Variants in GALNTL6 observed in about 807,000 individuals in gnomAD.
The protein encoded by GALNTL6 is polypeptide N-acetylgalactosaminyltransferase-like 6.
GALNTL6 carries 46 observed loss-of-function variants against 73.7 expected under a neutral mutation model. The observed-to-expected ratio is 0.62, with a 90% CI of 0.49 to 0.80. GALNTL6 has a LOEUF of 0.80. Ranked by LOEUF, GALNTL6 falls within the 30% of genes least tolerant of loss-of-function variation. The probability of loss-of-function intolerance (pLI) is 0.00; values close to 1 mark genes in which losing one functional copy is unlikely to be tolerated. For synonymous variants in GALNTL6, 259 were observed against 263.7 expected (o/e 0.98, Z 0.17); for missense variants, 604 against 755.0 (o/e 0.80, Z 2.34).
chr4:173,021,008 G>A (rs1752967943), intron 11 of GALNTL6, among the ~76,000 whole-genome samples: 2 of 152,174 alleles, frequency 1.3e-5, no homozygotes, highest in African/African-American at 2.4e-5. Flanking sequence ...GGGAGGTGGA[G>A]GATGCAGTGA....
intron 3 of GALNTL6, among the ~76,000 whole-genome samples, chr4:172,304,837 C>T (rs1448562981): frequency 1.3e-5 from 2 of 152,062 alleles, no homozygotes; most frequent in African/African-American, 2.4e-5. Context: ...TCCCTAGCCC[C>T]GTACTTAACA....
At chr4:172,939,174 T>C (rs1302575092) in intron 9 of GALNTL6, among the ~76,000 whole-genome samples, 2 of 152,194 alleles carry the variant, frequency 1.3e-5, no homozygotes, top group African/African-American at 4.8e-5. Flanking sequence ...CATGTGCCTA[T>C]AGTCCCAGCT....
intron 5 of GALNTL6, among the ~76,000 whole-genome samples, chr4:172,377,459 G>T (rs1389573668): frequency 6.6e-6 from 1 of 152,220 alleles, no homozygotes; most frequent in Non-Finnish European, 1.5e-5. Flanking sequence ...TGACTCAGGA[G>T]CCCAGCTGGC....
At chr4:172,574,272 T>G (rs1181067131) in intron 5 of GALNTL6, among the ~76,000 whole-genome samples, 1 of 152,136 alleles carries the variant, frequency 6.6e-6, no homozygotes, top group African/African-American at 2.4e-5. Flanking sequence ...TTTAAATGTA[T>G]TTTGTAAATG....
chr4:172,303,646 A>G (rs966634428), intron 3 of GALNTL6, among the ~76,000 whole-genome samples: 1 of 152,244 alleles, frequency 6.6e-6, no homozygotes, highest in Non-Finnish European at 1.5e-5. Context: ...GCAGATTAAC[A>G]TATGTATTAT....
chr4:172,152,694 T>C (rs1412357461), intron 2 of GALNTL6, among the ~76,000 whole-genome samples: 1 of 152,224 alleles, frequency 6.6e-6, no homozygotes, highest in Non-Finnish European at 1.5e-5. Flanking sequence ...CTGCAACCTC[T>C]GCCTCTTGGG....
intron 5 of GALNTL6, among the ~76,000 whole-genome samples, chr4:172,575,541 A>G (rs1736929860): frequency 6.6e-6 from 1 of 152,176 alleles, no homozygotes; most frequent in Admixed American, 6.5e-5. Context: ...TTAAAAACAG[A>G]TCTGATTTCA....
intron 5 of GALNTL6, among the ~76,000 whole-genome samples, chr4:172,370,798 T>A (rs1014664695): frequency 5.3e-5 from 8 of 152,152 alleles, no homozygotes; most frequent in African/African-American, 1.9e-4. Flanking sequence ...GGGGGAGGTC[T>A]AGACCTCAGC....
In GALNTL6 at chr4:171,923,608, G is replaced by A. The variant is rs1257280219; in HGVS notation, c.138+108890G>A. Among the ~76,000 whole-genome samples the A allele has an allele frequency of 2.7e-4, 39 of 145,896 alleles. No homozygotes were observed. In the Admixed American group the frequency reaches 2.7e-3, roughly 10 times the overall value. On this transcript the variant is annotated intron_variant, in intron 2 of 12. Coordinates refer to ENST00000506823, the MANE Select transcript of GALNTL6 (RefSeq NM_001034845.3). ...TTTTTAGTAGAGACAGGGTTTCACCGTGTTAGCCAGGATGGTCTCGATCTC... is the reference window on the plus strand; with the variant it reads ...TTTTTAGTAGAGACAGGGTTTCACCATGTTAGCCAGGATGGTCTCGATCTC...
intron 10 of GALNTL6, among the ~76,000 whole-genome samples, chr4:172,963,569 T>C (rs1035942479): frequency 6.6e-6 from 1 of 152,192 alleles, no homozygotes; most frequent in Admixed American, 6.5e-5. Flanking sequence ...ATTTGTTGAA[T>C]GAATGAAAGA....
intron 5 of GALNTL6, among the ~76,000 whole-genome samples, chr4:172,760,689 T>A (rs914756113): frequency 5.9e-5 from 9 of 152,176 alleles, no homozygotes; most frequent in African/African-American, 2.2e-4. Context: ...CCTGCTGACC[T>A]GTGCCCTTCA....
At chr4:172,376,042 T>G (rs554485271) in intron 5 of GALNTL6, among the ~76,000 whole-genome samples, 1 of 152,306 alleles carries the variant, frequency 6.6e-6, no homozygotes, top group East Asian at 1.9e-4. Context: ...ATAGCTTTTG[T>G]TAGGCCTGCT....
chr4:172,910,344 G>A (rs1018323758), intron 8 of GALNTL6, among the ~76,000 whole-genome samples: 1 of 152,200 alleles, frequency 6.6e-6, no homozygotes, highest in Admixed American at 6.5e-5. Context: ...AAATCAGCCA[G>A]TATTACAAGG....
chr4:171,901,223 G>T lies in GALNTL6; in HGVS notation c.138+86505G>T, dbSNP rs941162479. On this transcript the variant is annotated intron_variant, in intron 2 of 12. Transcript: ENST00000506823. ...TCCAGACTATATTTAAGAAGATTGG[G>T]AAGGCAAGATACAGAATAAAATCTT... 3.3e-5 allele frequency among the ~76,000 whole-genome samples: 5 copies of T among 152,204 alleles called. No homozygotes were observed. The East Asian group carries it at 9.6e-4, about 29-fold the overall frequency.
intron 5 of GALNTL6, among the ~76,000 whole-genome samples, chr4:172,439,193 CACA>C (rs1561083528): frequency 6.6e-6 from 1 of 151,564 alleles, no homozygotes; most frequent in African/African-American, 2.4e-5. Context: ...CACACACACA[CACA>C]CACACACACA....
intron 5 of GALNTL6, among the ~76,000 whole-genome samples, chr4:172,370,339 T>C (rs1222016652): frequency 6.6e-6 from 1 of 152,092 alleles, no homozygotes; most frequent in African/African-American, 2.4e-5. Context: ...GCAAGATGGC[T>C]GCCACGGGAC....
intron 11 of GALNTL6, among the ~76,000 whole-genome samples, chr4:173,010,895 A>G (rs6837968): frequency 0.071 from 10,801 of 151,666 alleles, 711 homozygotes; most frequent in African/African-American, 0.17. Context: ...ATAAGCCACC[A>G]CGCCCAGCCA....
intron 2 of GALNTL6, among the ~76,000 whole-genome samples, chr4:171,920,703 T>C (rs555652158): frequency 5.3e-5 from 8 of 152,244 alleles, no homozygotes; most frequent in South Asian, 4.1e-4. Flanking sequence ...TAATGATCGA[T>C]ACAAATACAT....
At chr4:172,970,477 A>C (rs1403045302) in intron 10 of GALNTL6, among the ~76,000 whole-genome samples, 2 of 152,248 alleles carry the variant, frequency 1.3e-5, no homozygotes, top group East Asian at 3.9e-4. Flanking sequence ...CTTAATATTT[A>C]ATATTCCTTG....
Sources: gnomAD v4.1 joint callset for allele counts (sites outside exome capture counted in the v4.1 genomes callset) on GRCh38, gnomAD v4.1.1 for gene constraint, MANE v1.5 for transcripts, NCBI Gene and HGNC (gene_info 2026-07-23, HGNC 2026-07-21) for gene names.